MDGA2: variants seen among roughly 807,000 people sequenced by gnomAD.
MDGA2 encodes MAM domain-containing glycosylphosphatidylinositol anchor protein 2.
A neutral mutation model predicts 117.8 loss-of-function variants in MDGA2; 40 were observed. The observed-to-expected ratio is 0.34, with a 90% CI of 0.26 to 0.44. The LOEUF (loss-of-function observed/expected upper bound fraction) is 0.44, where lower values mean the gene tolerates loss of function less well. Ranked by LOEUF, MDGA2 falls within the 20% of genes least tolerant of loss-of-function variation. The pLI, the probability that MDGA2 is intolerant of heterozygous loss-of-function variation, is 1.00. For missense variants in MDGA2, 1,123 were observed against 1,250.6 expected, an observed-to-expected ratio of 0.90 and a Z score of 1.54; for synonymous variants, 452 against 439.0, an observed-to-expected ratio of 1.03 and a Z score of -0.37.
intron 1 of MDGA2, among the ~76,000 whole-genome samples, chr14:47,576,641 T>C (rs1008664624): frequency 1.3e-5 from 2 of 152,182 alleles, no homozygotes; most frequent in Non-Finnish European, 2.9e-5. Flanking sequence ...CAAATGTTAG[T>C]ATTGATAATA....
intron 2 of MDGA2, among the ~76,000 whole-genome samples, chr14:47,288,650 G>A (rs1223544669): frequency 1.3e-5 from 2 of 152,032 alleles, no homozygotes; most frequent in Non-Finnish European, 1.5e-5. Context: ...AGAAATCAAT[G>A]TTTGCTGATG....
At chr14:47,400,580 G>A (rs1892113814) in intron 1 of MDGA2, among the ~76,000 whole-genome samples, 1 of 151,106 alleles carries the variant, frequency 6.6e-6, no homozygotes, top group Non-Finnish European at 1.5e-5. Context: ...CTTAGTGGTA[G>A]GAGGCTGAGG....
chr14:47,074,051 G>T (rs1004154558), intron 6 of MDGA2, among the ~76,000 whole-genome samples: 30 of 151,670 alleles, frequency 2.0e-4, no homozygotes, highest in African/African-American at 7.0e-4. Context: ...TCTTTCCCAT[G>T]TATTTATGAA....
At chr14:46,920,757 C>T (rs1436535590) in intron 9 of MDGA2, among the ~76,000 whole-genome samples, 1 of 152,022 alleles carries the variant, frequency 6.6e-6, no homozygotes, top group Non-Finnish European at 1.5e-5. Flanking sequence ...AATGTGGTAT[C>T]CTAGAGGTCA....
intron 1 of MDGA2, among the ~76,000 whole-genome samples, chr14:47,579,954 T>A (rs569108364): frequency 6.6e-6 from 1 of 152,110 alleles, no homozygotes; most frequent in Admixed American, 6.6e-5. Flanking sequence ...TGTATTTACA[T>A]CTAATTTACA....
At chr14:47,092,359 C>T (rs952714569) in intron 6 of MDGA2, among the ~76,000 whole-genome samples, 3 of 152,056 alleles carry the variant, frequency 2.0e-5, no homozygotes, top group Non-Finnish European at 4.4e-5. Flanking sequence ...AAATAGAACA[C>T]ACAGAATTCC....
At chr14:46,873,692 G>T in intron 13 of MDGA2, 101 bp from the exon 14 acceptor site, 1 of 1,074,096 alleles carries the variant, frequency 9.3e-7, no homozygotes, top group Non-Finnish European at 1.3e-6. Context: ...AAATAAAGAT[G>T]GATAGGAAGA....
chr14:47,495,274 T>C (rs907124611), intron 1 of MDGA2, among the ~76,000 whole-genome samples: 6 of 151,946 alleles, frequency 3.9e-5, no homozygotes, highest in African/African-American at 1.5e-4. Context: ...AAAAGGTAGG[T>C]GGGTGGGTGG....
At chr14:46,890,182 A>T (rs1379810301) in intron 10 of MDGA2, among the ~76,000 whole-genome samples, 1 of 151,972 alleles carries the variant, frequency 6.6e-6, no homozygotes, top group Admixed American at 6.6e-5. Context: ...CTAGGTTTTC[A>T]AGGCTACTGT....
At chr14:47,101,571 T>C (rs1880326923) in intron 5 of MDGA2, among the ~76,000 whole-genome samples, 1 of 152,130 alleles carries the variant, frequency 6.6e-6, no homozygotes, top group African/African-American at 2.4e-5. Context: ...TGGAAAATAC[T>C]CCATGTTCCA....
At chr14:46,943,493 A>C (rs1885067760) in intron 9 of MDGA2, among the ~76,000 whole-genome samples, 1 of 152,024 alleles carries the variant, frequency 6.6e-6, no homozygotes, top group Non-Finnish European at 1.5e-5. Context: ...ATTTTGACTA[A>C]ATTCAAAAAA....
At chr14:47,365,494 G>A (rs551907470) in intron 1 of MDGA2, among the ~76,000 whole-genome samples, 2 of 152,388 alleles carry the variant, frequency 1.3e-5, no homozygotes, top group African/African-American at 4.8e-5. Flanking sequence ...AAGCTACTCA[G>A]TGGCCACGAG....
intron 5 of MDGA2, among the ~76,000 whole-genome samples, chr14:47,122,666 T>C (rs1327187494): frequency 6.6e-6 from 1 of 152,084 alleles, no homozygotes; most frequent in African/African-American, 2.4e-5. Flanking sequence ...AGCCACAAGT[T>C]ATATGTGACT....
intron 3 of MDGA2, among the ~76,000 whole-genome samples, chr14:47,187,010 T>C (rs974934549): frequency 2.0e-5 from 3 of 151,968 alleles, no homozygotes; most frequent in Non-Finnish European, 4.4e-5. Context: ...CTGCCAATAA[T>C]GAAGAGTTAG....
At chr14:47,551,950 T>C (rs1014569697) in intron 1 of MDGA2, among the ~76,000 whole-genome samples, 5 of 152,164 alleles carry the variant, frequency 3.3e-5, no homozygotes, top group South Asian at 2.1e-4. Flanking sequence ...CAATAGTATT[T>C]ACAAAAGGAC....
At chr14:47,541,400 T>C (rs755491331) in intron 1 of MDGA2, among the ~76,000 whole-genome samples, 13 of 152,184 alleles carry the variant, frequency 8.5e-5, no homozygotes, top group Non-Finnish European at 1.8e-4. Context: ...GGAGGCCACA[T>C]AATTTTCCCA....
At chr14:47,349,164 C>T (rs893803041) in intron 1 of MDGA2, among the ~76,000 whole-genome samples, 8 of 152,038 alleles carry the variant, frequency 5.3e-5, no homozygotes, top group Non-Finnish European at 1.0e-4. Context: ...AAGTGATGAA[C>T]GAAGAAATAC....
chr14:47,537,018 T>G (rs1895226174), intron 1 of MDGA2, among the ~76,000 whole-genome samples: 1 of 152,102 alleles, frequency 6.6e-6, no homozygotes, highest in African/African-American at 2.4e-5. Context: ...TAATTAAAGC[T>G]TATAGACCAC....
chr14:47,372,655 C>T (rs1280318065), intron 1 of MDGA2, among the ~76,000 whole-genome samples: 4 of 151,776 alleles, frequency 2.6e-5, no homozygotes, highest in African/African-American at 9.7e-5. Flanking sequence ...ATGAATTTAG[C>T]AATATATAGT....
Sources: gnomAD v4.1 joint callset for allele counts (sites outside exome capture counted in the v4.1 genomes callset) on GRCh38, gnomAD v4.1.1 for gene constraint, MANE v1.5 for transcripts, NCBI Gene and HGNC (gene_info 2026-07-23, HGNC 2026-07-21) for gene names.